The following PCDHA3 variants were observed in gnomAD, a reference collection of about 807,000 sequenced individuals.
PCDHA3 encodes protocadherin alpha-3.
PCDHA3 carries 41 observed loss-of-function variants against 62.2 expected under a neutral mutation model. The ratio of observed to expected loss-of-function variants is 0.66; its 90% confidence interval spans 0.51 to 0.86. The LOEUF (loss-of-function observed/expected upper bound fraction) is 0.86. Ranked by LOEUF, PCDHA3 falls within the 40% of genes least tolerant of loss-of-function variation. The pLI is 0.00. For missense variants in PCDHA3, 1,304 were observed against 1,241.2 expected, an observed-to-expected ratio of 1.05 and a Z score of -0.76; for synonymous variants, 640 against 555.4, an observed-to-expected ratio of 1.15 and a Z score of -2.14.
intron 1 of PCDHA3, chr5:140,929,725 A>G (rs1415397730): frequency 9.2e-6 from 2 of 218,138 alleles, no homozygotes; most frequent in Admixed American, 1.2e-4. Flanking sequence ...TGAAACATTT[A>G]CTTAAACTAT....
At chr5:140,912,385 C>A (rs1323082765) in intron 1 of PCDHA3, among the ~76,000 whole-genome samples, 6 of 148,114 alleles carry the variant, frequency 4.1e-5, no homozygotes, top group African/African-American at 1.5e-4. Context: ...GGATTGAGTT[C>A]TTAATTTGAT....
At chr5:140,828,589 C>T (rs2150157148) in intron 1 of PCDHA3, 9 of 1,614,088 alleles carry the variant, frequency 5.6e-6, no homozygotes, top group Non-Finnish European at 7.6e-6. Flanking sequence ...GCTCAAATTC[C>T]ATCTTAACCT....
chr5:140,822,989 C>G, intron 1 of PCDHA3: 1 of 1,614,244 alleles, frequency 6.2e-7, no homozygotes, highest in Non-Finnish European at 8.5e-7. Flanking sequence ...AATTACTACT[C>G]GTTGGTGCTG....
intron 1 of PCDHA3, chr5:140,869,287 C>G (rs782369184): frequency 6.2e-7 from 1 of 1,613,538 alleles, no homozygotes; most frequent in South Asian, 1.1e-5. Flanking sequence ...GCTGGTGCAG[C>G]GCCTGTTCCG....
chr5:140,924,437 T>A (rs2081836231), intron 1 of PCDHA3, among the ~76,000 whole-genome samples: 1 of 152,206 alleles, frequency 6.6e-6, no homozygotes, highest in Admixed American at 6.5e-5. Flanking sequence ...CTAGAAGAGA[T>A]AACGAATGGG....
chr5:140,823,518 G>C (rs1767744121), intron 1 of PCDHA3: 1 of 1,613,536 alleles, frequency 6.2e-7, no homozygotes, highest in Admixed American at 1.7e-5. Context: ...AGCTGGTGCC[G>C]AGGTCAGTGG....
At chr5:140,871,636 T>C in intron 1 of PCDHA3, 1 of 1,364,788 alleles carries the variant, frequency 7.3e-7, no homozygotes, top group Non-Finnish European at 9.8e-7. Flanking sequence ...TGTCTGTTCA[T>C]AAAATACCAA....
intron 1 of PCDHA3, chr5:140,875,516 T>C: frequency 6.2e-7 from 1 of 1,613,976 alleles, no homozygotes; most frequent in Non-Finnish European, 8.5e-7. Context: ...CAGCGTCTGC[T>C]GCTCTCGCTT....
At chr5:140,870,073 A>G in intron 1 of PCDHA3, 1 of 1,613,872 alleles carries the variant, frequency 6.2e-7, no homozygotes. Flanking sequence ...GGCTACAGAT[A>G]AGGGGACTCC....
At chr5:140,843,783 T>C in intron 1 of PCDHA3, 1 of 1,421,268 alleles carries the variant, frequency 7.0e-7, no homozygotes, top group Admixed American at 2.1e-5. Context: ...TAAAAGTGTT[T>C]CAGATTTAGT....
At chr5:140,964,062 C>T (rs1257577051) in intron 1 of PCDHA3, among the ~76,000 whole-genome samples, 1 of 152,124 alleles carries the variant, frequency 6.6e-6, no homozygotes, top group Middle Eastern at 3.2e-3. Flanking sequence ...GTGGTCAAGG[C>T]ATTAGTGTTA....
At chr5:140,827,588 A>G (rs1422451119) in intron 1 of PCDHA3, among the ~76,000 whole-genome samples, 13 of 152,256 alleles carry the variant, frequency 8.5e-5, no homozygotes, top group Non-Finnish European at 1.9e-4. Flanking sequence ...TGTCCTAGGA[A>G]AGACAGATGT....
In PCDHA3 at chr5:140,869,783, G is replaced by A. The variant is rs990827650; in HGVS notation, c.2394+66192G>A. The A allele has an allele frequency of 1.2e-5, 19 of 1,612,688 alleles. No homozygotes were observed. In the African/African-American group the frequency reaches 1.2e-4, roughly 10 times the overall value. ...AAACCAGAGCTTACTGGCACCGTTC[G>A]GCTGTTAGTCCAAGTCTTGGATGTC... On this transcript the variant is annotated intron_variant, in intron 1 of 3. Coordinates refer to ENST00000522353, the MANE Select transcript of PCDHA3 (RefSeq NM_018906.3).
At chr5:140,809,302 C>A (rs1449558535) in intron 1 of PCDHA3, 3 of 1,614,006 alleles carry the variant, frequency 1.9e-6, no homozygotes, top group Non-Finnish European at 2.5e-6. Flanking sequence ...TTGCCATCTG[C>A]GCGGTGTCCA....
chr5:140,876,034 A>G, intron 1 of PCDHA3: 1 of 1,613,792 alleles, frequency 6.2e-7, no homozygotes, highest in Admixed American at 1.7e-5. Flanking sequence ...AAAAAAAGAT[A>G]AAAGTATATT....
chr5:140,836,382 G>C (rs2150259409), intron 1 of PCDHA3: 27 of 1,613,752 alleles, frequency 1.7e-5, no homozygotes, highest in Non-Finnish European at 2.1e-5. Flanking sequence ...CACCGTGCTG[G>C]TGTCGCTGGT....
chr5:140,995,383 G>A (rs909887279), intron 3 of PCDHA3, among the ~76,000 whole-genome samples: 2 of 152,158 alleles, frequency 1.3e-5, no homozygotes, highest in African/African-American at 4.8e-5. Flanking sequence ...TACTGGGCAG[G>A]ATAAAGCGGG....
intron 1 of PCDHA3, chr5:140,821,574 GT>G: frequency 1.7e-6 from 1 of 585,200 alleles, no homozygotes; most frequent in East Asian, 3.0e-5. Flanking sequence ...ACACCGGAAG[GT>G]TTTTCTCCCT....
intron 1 of PCDHA3, chr5:140,856,965 C>T: frequency 1.9e-6 from 3 of 1,590,456 alleles, no homozygotes; most frequent in Non-Finnish European, 2.6e-6. Context: ...GTAAATGATG[C>T]TATTGACTTT....
Sources: gnomAD v4.1 joint callset for allele counts (sites outside exome capture counted in the v4.1 genomes callset) on GRCh38, gnomAD v4.1.1 for gene constraint, MANE v1.5 for transcripts, NCBI Gene and HGNC (gene_info 2026-07-23, HGNC 2026-07-21) for gene names.